Variants in ESYT3 observed in about 807,000 individuals in gnomAD.
ESYT3 encodes extended synaptotagmin 3.
In ESYT3, 101 loss-of-function variants were observed where a neutral mutation model predicts 111.5. The ratio of observed to expected loss-of-function variants is 0.91; its 90% CI spans 0.77 to 1.07. The LOEUF (loss-of-function observed/expected upper bound fraction) is 1.07. ESYT3 is among the 50% of genes least tolerant of loss of function. ESYT3 has a pLI of 0.00. For synonymous variants in ESYT3, 416 were observed against 446.8 expected, an observed-to-expected ratio of 0.93 and a Z score of 0.87; for missense variants, 1,097 against 1,109.4, an observed-to-expected ratio of 0.99 and a Z score of 0.16.
rs902029473 is a variant in ESYT3, at chr3:138,478,578, C to G, written c.*1724C>G. On this transcript the variant is annotated 3_prime_UTR_variant, in exon 23 of 23. Transcript: ENST00000389567. ...GGCAGATAAGTGAAAACCTACCCCT[C>G]TTCTTCCAAACTTAAACCACAAACA... The G allele has an allele frequency of 2.6e-5, 4 of 152,204 alleles. No homozygotes were observed. Among genetic ancestry groups the G allele is most frequent in the African/African-American group, 9.7e-5 (4 of 41,442 alleles). 9.4% of individuals were successfully genotyped at this position (152,204 alleles called of 1,614,324 possible).
chr3:138,460,778 G>A, intron 7 of ESYT3, 112 bp downstream of exon 7: 1 of 1,164,006 alleles, frequency 8.6e-7, no homozygotes, highest in South Asian at 1.3e-5. Flanking sequence ...GGTGCTCTCT[G>A]CAGAGGGAGA....
rs773523074 is a variant in ESYT3 at position 138,468,148 on chromosome 3, G to A, written c.1262G>A (p.Arg421Gln). The change falls in exon 12 of 23, where the codon CGG becomes CAG. Residue 421 changes from arginine to glutamine, a missense_variant. Transcript: ENST00000389567. ...ACAACCAGCGGGCGGCTGCACCTGC[G>A]GCTGGAGTGGCTTTCATTGCTTACT... ...NDTTSGRLHLRLEWLSLLTDQ... is the reference protein window; with the variant it reads ...NDTTSGRLHLQLEWLSLLTDQ... The A allele has an allele frequency of 8.7e-6, 14 of 1,614,038 alleles. No individual in the cohort carries two copies. Among genetic ancestry groups the A allele is most frequent in the South Asian group, 5.5e-5 (5 of 91,084 alleles).
rs1436399512 is a variant in ESYT3 at position 138,470,123 on chromosome 3, G to A, written c.1567G>A (p.Ala523Thr). The change falls in exon 16 of 23, where the codon GCC becomes ACC. Residue 523 changes from alanine (A) to threonine (T), a missense_variant. By Grantham distance (58) the Ala-to-Thr change is moderately conservative (BLOSUM62 0). Transcript: ENST00000389567. ...QVFSFFVHNV[A>T]TERLHLKVLD... is the part of the protein sequence containing the mutation. Reference sequence around the variant, plus strand: ...GTTCTCCTTCTTTGTGCACAATGTGGCCACTGAGCGGCTCCATCTGAAGGT... The same window carrying A: ...GTTCTCCTTCTTTGTGCACAATGTGACCACTGAGCGGCTCCATCTGAAGGT... The A allele has an allele frequency of 6.2e-7, 1 of 1,612,664 alleles. No homozygotes were observed. Among genetic ancestry groups the A allele is most frequent in the Admixed American group, 1.7e-5 (1 of 59,998 alleles).
At chr3:138,473,499 G>A (rs1444597076) in intron 18 of ESYT3, 37 bp from the exon 19 acceptor site, 1 of 1,587,392 alleles carries the variant, frequency 6.3e-7, no homozygotes, top group Admixed American at 1.7e-5. Flanking sequence ...GCCAATGCTT[G>A]TTATGGCGAG....
At chr3:138,447,109 G>C (rs2031596508) in intron 1 of ESYT3, among the ~76,000 whole-genome samples, 1 of 152,116 alleles carries the variant, frequency 6.6e-6, no homozygotes, top group Non-Finnish European at 1.5e-5. Flanking sequence ...ACCGACATGA[G>C]GAAGTAGATA....
chr3:138,469,978 G>T, intron 15 of ESYT3, 82 bp from the exon 16 acceptor site: 1 of 1,214,716 alleles, frequency 8.2e-7, no homozygotes, highest in Non-Finnish European at 1.2e-6. Context: ...GGTACCTGGT[G>T]GCCAGAGTGA....
chr3:138,441,244 C>T (rs1159508699), intron 1 of ESYT3, among the ~76,000 whole-genome samples: 1 of 152,206 alleles, frequency 6.6e-6, no homozygotes, highest in Non-Finnish European at 1.5e-5. Flanking sequence ...AGACTGCTCA[C>T]TGCTTCATTT....
Position 138,453,140 on chromosome 3 carries a change from G to C in ESYT3, c.369+1051G>C, listed in dbSNP as rs140981568. Reference sequence around the variant, plus strand: ...AGCAGGTTGCTGCTTTAAGAGGAGTGACTGGGTTTCTGGGGATTCATGCAG... The same window carrying C: ...AGCAGGTTGCTGCTTTAAGAGGAGTCACTGGGTTTCTGGGGATTCATGCAG... On this transcript the variant is annotated intron_variant, in intron 2 of 22. Coordinates refer to ENST00000389567, the MANE Select transcript of ESYT3 (RefSeq NM_031913.5). Among the ~76,000 whole-genome samples, 364 of 152,326 alleles carry C rather than the reference G, an allele frequency of 2.4e-3. 1 individual carries two copies. Among genetic ancestry groups the C allele is most frequent in the African/African-American group, 8.0e-3 (332 of 41,578 alleles).
intron 18 of ESYT3, 63 bp from the exon 19 acceptor site, chr3:138,473,473 G>C (rs550234817): frequency 1.2e-3 from 1,631 of 1,401,682 alleles, no homozygotes; most frequent in Non-Finnish European, 1.4e-3. Context: ...TTTGTCTTTG[G>C]GGGTGGCGGA....
chr3:138,470,763 C>T (rs1198111188), intron 16 of ESYT3, 114 bp from the exon 17 acceptor site: 1 of 1,546,230 alleles, frequency 6.5e-7, no homozygotes, highest in Non-Finnish European at 8.7e-7. Flanking sequence ...ACCAGATGCC[C>T]ATAGAAGCAC....
chr3:138,481,224 A>AAATT (rs1264396805), downstream of ESYT3: 1 of 152,248 alleles, frequency 6.6e-6, no homozygotes, highest in Non-Finnish European at 1.5e-5. Flanking sequence ...CTCTCCGTGA[A>AAATT]AATTAGGTAC....
At chr3:138,473,236 C>T (rs2033323505) in intron 18 of ESYT3, 1 of 825,122 alleles carries the variant, frequency 1.2e-6, no homozygotes, top group Non-Finnish European at 1.7e-6. Flanking sequence ...TCAACCTTCA[C>T]AATAACCCTA....
chr3:138,475,954 T>G (rs577824811), intron 20 of ESYT3, among the ~76,000 whole-genome samples: 32 of 152,196 alleles, frequency 2.1e-4, no homozygotes, highest in African/African-American at 7.5e-4. Flanking sequence ...AAAGGTAGAA[T>G]TGGAGAAAGA....
At chr3:138,444,766 C>T (rs1213181862) in intron 1 of ESYT3, among the ~76,000 whole-genome samples, 1 of 152,184 alleles carries the variant, frequency 6.6e-6, no homozygotes, top group Non-Finnish European at 1.5e-5. Flanking sequence ...TCTGGCCTCC[C>T]CTTGCTCTTT....
chr3:138,470,044 C>T lies in ESYT3; in HGVS notation c.1504-16C>T. On this transcript the variant is annotated splice_polypyrimidine_tract_variant and intron_variant, in intron 15 of 22. Transcript: ENST00000389567. ...CAACCTAACCCTTCAATGATCTCTC[C>T]CTCTTCTGTTCCCAGACCTGTCCCC... 1 of 1,608,592 alleles carries T rather than the reference C, an allele frequency of 6.2e-7. No individual in the cohort carries two copies. Among genetic ancestry groups the T allele is most frequent in the Non-Finnish European group, 8.5e-7 (1 of 1,176,314 alleles).
At position 138,473,535 on chromosome 3, in the gene ESYT3, G is replaced by T; in HGVS notation, c.2238-1G>T. 1 of 1,612,822 alleles carries T rather than the reference G, an allele frequency of 6.2e-7. No homozygotes were observed. Reference sequence around the variant, plus strand: ...AGAAGTGATGGGCTCTTTCTTTACAGAGGTGGGGACCTCAGGCGACGGCAG... The same window carrying T: ...AGAAGTGATGGGCTCTTTCTTTACATAGGTGGGGACCTCAGGCGACGGCAG... On this transcript the variant is annotated splice_acceptor_variant, in intron 18 of 22. Transcript: ENST00000389567. LOFTEE classifies it high-confidence loss of function.
intron 1 of ESYT3, among the ~76,000 whole-genome samples, chr3:138,451,562 G>T (rs1255696406): frequency 5.9e-5 from 9 of 152,246 alleles, no homozygotes. Context: ...GGGTTTCCAG[G>T]TTGGGGGTCC....
chr3:138,456,983 T>C (rs1196104254), intron 3 of ESYT3, among the ~76,000 whole-genome samples: 2 of 152,134 alleles, frequency 1.3e-5, no homozygotes, highest in Non-Finnish European at 2.9e-5. Flanking sequence ...CTTCATGTCC[T>C]GGCCACCCCC....
rs186359848 is a variant in ESYT3 at position 138,475,921 on chromosome 3, G to A, written c.2469-302G>A. Among the ~76,000 whole-genome samples, 16 of 152,300 alleles carry A rather than the reference G, an allele frequency of 1.1e-4. No homozygotes were observed. The East Asian group carries it at 1.4e-3, about 13-fold the overall frequency. The stretch of plus-strand genomic sequence containing the variant: ...AGCCTGGGCGACAGAGCGAAACTCC[G>A]TCTCAAAAAGAAGAGTGGTAGCAAA... On this transcript the variant is annotated intron_variant, in intron 20 of 22. Transcript: ENST00000389567.
Sources: allele counts gnomAD v4.1 joint callset (sites outside exome capture counted in the v4.1 genomes callset), GRCh38; gene constraint gnomAD v4.1.1; transcripts MANE v1.5; gene names NCBI Gene and HGNC (gene_info 2026-07-23, HGNC 2026-07-21).